Variants in NLGN4X observed in about 807,000 individuals in gnomAD.
NLGN4X encodes neuroligin 4 X-linked.
NLGN4X carries 3 observed loss-of-function variants against 40.3 expected under a neutral mutation model. The ratio of observed to expected loss-of-function variants is 0.07; its 90% confidence interval spans 0.03 to 0.19. NLGN4X has a LOEUF of 0.19. Ranked by LOEUF, NLGN4X falls within the 10% of genes least tolerant of loss-of-function variation. The pLI is 1.00. For missense variants in NLGN4X, 382 were observed against 708.3 expected, an observed-to-expected ratio of 0.54 and a Z score of 5.23; for synonymous variants, 270 against 306.8, an observed-to-expected ratio of 0.88 and a Z score of 1.25.
At chrX:5,995,838 C>T in intron 3 of NLGN4X, among the ~76,000 whole-genome samples, 1 of 111,883 alleles carries the variant, frequency 8.9e-6, no homozygotes, top group South Asian at 3.8e-4. Flanking sequence ...GGATCCAGTG[C>T]CCATCCTCAC....
rs1454297952 is a variant in NLGN4X at position 5,945,810 on chromosome X, T to C, written c.626-36571A>G. On this transcript the variant is annotated intron_variant, in intron 3 of 5. Transcript: ENST00000381095. Reference sequence around the variant, plus strand: ...GGGGGTAGGGAGAGGATCAAAAAAATAACTAATGCGTACTTGGCTCAATAC... The same window carrying C: ...GGGGGTAGGGAGAGGATCAAAAAAACAACTAATGCGTACTTGGCTCAATAC... 2.7e-5 allele frequency among the ~76,000 whole-genome samples: 3 copies of C among 110,652 alleles called. No individual in the cohort carries two copies. The East Asian group carries it at 8.5e-4, about 31-fold the overall frequency.
intron 3 of NLGN4X, among the ~76,000 whole-genome samples, chrX:5,924,364 G>GAA (rs59353648): frequency 1.8e-4 from 17 of 95,455 alleles, no homozygotes; most frequent in South Asian, 5.0e-4. Flanking sequence ...AACATAAAAT[G>GAA]AAAAAAAAAA....
chrX:6,009,140 A>C (rs1377398049), intron 3 of NLGN4X, among the ~76,000 whole-genome samples: 1 of 111,895 alleles, frequency 8.9e-6, no homozygotes, highest in Non-Finnish European at 1.9e-5. Context: ...CCATCAATGG[A>C]TAGTTGGCTA....
chrX:6,219,582 T>C (rs1014154405), intron 1 of NLGN4X, among the ~76,000 whole-genome samples: 44 of 104,045 alleles, frequency 4.2e-4, no homozygotes, highest in Non-Finnish European at 4.9e-4. Flanking sequence ...CTTCCTTCCT[T>C]CCTTCCTTCT....
chrX:5,990,267 G>A (rs747443141), intron 3 of NLGN4X, among the ~76,000 whole-genome samples: 3 of 111,241 alleles, frequency 2.7e-5, no homozygotes, highest in South Asian at 7.7e-4. Flanking sequence ...GAAAGAGAAC[G>A]TCAAGGCACT....
At chrX:6,227,334 C>G (rs1034460753) in intron 1 of NLGN4X, 2 of 109,175 alleles carry the variant, frequency 1.8e-5, no homozygotes, top group Non-Finnish European at 3.8e-5. Context: ...GCTTAACACT[C>G]CCCCCGACAC....
chrX:6,212,224 G>A (rs5916331), intron 1 of NLGN4X, among the ~76,000 whole-genome samples: 11,524 of 104,386 alleles, frequency 0.11, 521 homozygotes, highest in East Asian at 0.17. Flanking sequence ...CAGCCTGGGC[G>A]ACAGAGCAAG....
intron 4 of NLGN4X, among the ~76,000 whole-genome samples, chrX:5,905,771 C>T (rs903094493): frequency 8.9e-6 from 1 of 111,920 alleles, no homozygotes; most frequent in South Asian, 3.7e-4. Context: ...CCTCTGCCTT[C>T]CAGGCTCAAA....
chrX:5,962,572 G>A (rs1042407177), intron 3 of NLGN4X, among the ~76,000 whole-genome samples: 1 of 112,444 alleles, frequency 8.9e-6, no homozygotes, highest in Non-Finnish European at 1.9e-5. Context: ...CAGTAGAAGA[G>A]TTTATTGATT....
chrX:6,173,820 G>A (rs2040660840), intron 1 of NLGN4X, among the ~76,000 whole-genome samples: 1 of 112,028 alleles, frequency 8.9e-6, no homozygotes, highest in Non-Finnish European at 1.9e-5. Flanking sequence ...CACTTCAGGA[G>A]GCCGAGGCAG....
rs756443073 is a variant in NLGN4X, at chrX:5,899,612, C to T, written c.1601+3465G>A. Among the ~76,000 whole-genome samples, 8 of 111,072 alleles carry T rather than the reference C, an allele frequency of 7.2e-5. No homozygotes were observed. The East Asian group carries it at 8.5e-4, about 12-fold the overall frequency. On this transcript the variant is annotated intron_variant, in intron 5 of 5. Coordinates refer to ENST00000381095, the MANE Select transcript of NLGN4X (RefSeq NM_181332.3). ...GACCTTCGTGATGTCTTGGTAAAAGCGTCCATTTGGTGTCAGCAGTGATAA... is the reference window on the plus strand; with the variant it reads ...GACCTTCGTGATGTCTTGGTAAAAGTGTCCATTTGGTGTCAGCAGTGATAA...
chrX:6,135,038 C>A (rs1017823615), intron 2 of NLGN4X, among the ~76,000 whole-genome samples: 3 of 112,526 alleles, frequency 2.7e-5, no homozygotes, highest in African/African-American at 9.7e-5. Flanking sequence ...GTAAACCTAA[C>A]CTTTCAGTTA....
intron 3 of NLGN4X, among the ~76,000 whole-genome samples, chrX:5,980,864 G>T (rs1432666975): frequency 2.7e-5 from 3 of 110,567 alleles, no homozygotes; most frequent in Non-Finnish European, 5.7e-5. Context: ...CTACAAAAAT[G>T]TTTTGGTTAT....
intron 1 of NLGN4X, among the ~76,000 whole-genome samples, chrX:6,192,785 C>T (rs1342296974): frequency 8.9e-6 from 1 of 112,111 alleles, no homozygotes; most frequent in Non-Finnish European, 1.9e-5. Flanking sequence ...CTCTCCCAGC[C>T]ATGCATGACT....
At chrX:5,926,954 A>G (rs1305412342) in intron 3 of NLGN4X, among the ~76,000 whole-genome samples, 1 of 108,237 alleles carries the variant, frequency 9.2e-6, no homozygotes, top group Non-Finnish European at 1.9e-5. Context: ...CTATCTATCT[A>G]TCTATCTATC....
At chrX:6,168,910 T>C (rs982405728) in intron 1 of NLGN4X, among the ~76,000 whole-genome samples, 2 of 112,133 alleles carry the variant, frequency 1.8e-5, no homozygotes, top group Non-Finnish European at 3.8e-5. Flanking sequence ...GAAGAGCTTT[T>C]AGTAATACAC....
chrX:6,187,322 C>CAA (rs74706267), intron 1 of NLGN4X, among the ~76,000 whole-genome samples: 1 of 64,878 alleles, frequency 1.5e-5, no homozygotes, highest in Non-Finnish European at 2.9e-5. Flanking sequence ...ACTAAAAATA[C>CAA]AAAAAAAAAA....
intron 2 of NLGN4X, among the ~76,000 whole-genome samples, chrX:6,062,437 T>C (rs1224809193): frequency 1.8e-5 from 2 of 111,703 alleles, no homozygotes; most frequent in African/African-American, 6.5e-5. Context: ...CCTTGACACA[T>C]GAATTATCTG....
intron 3 of NLGN4X, among the ~76,000 whole-genome samples, chrX:5,945,456 T>C (rs1285645336): frequency 8.9e-6 from 1 of 112,351 alleles, no homozygotes; most frequent in Non-Finnish European, 1.9e-5. Flanking sequence ...GTAGGCTGAC[T>C]GAATGCCTTG....
Sources: gnomAD v4.1 joint callset for allele counts (sites outside exome capture counted in the v4.1 genomes callset) on GRCh38, gnomAD v4.1.1 for gene constraint, MANE v1.5 for transcripts, NCBI Gene and HGNC (gene_info 2026-07-23, HGNC 2026-07-21) for gene names.